The following SOX5 variants were observed in gnomAD, a reference collection of about 807,000 sequenced individuals.
SOX5 encodes SRY-box transcription factor 5.
SOX5 carries 9 observed loss-of-function variants against 92.0 expected under a neutral mutation model. The ratio of observed to expected loss-of-function variants is 0.10; its 90% CI spans 0.06 to 0.17. The LOEUF (loss-of-function observed/expected upper bound fraction) is 0.17. Among genes scored for constraint, SOX5 ranks in the 10% least tolerant of loss-of-function variants. SOX5 has a pLI of 1.00. For missense variants in SOX5, 642 were observed against 944.5 expected (o/e 0.68, Z 4.20); for synonymous variants, 344 against 336.3 (o/e 1.02, Z -0.25).
At chr12:24,550,648 A>G (rs879276829) in intron 1 of SOX5, among the ~76,000 whole-genome samples, 5 of 152,226 alleles carry the variant, frequency 3.3e-5, no homozygotes, top group Admixed American at 6.5e-5. Flanking sequence ...CTTGATTTTT[A>G]AGAGTTAACA....
intron 11 of SOX5, among the ~76,000 whole-genome samples, chr12:23,559,528 A>G (rs993267361): frequency 1.3e-5 from 2 of 152,232 alleles, no homozygotes; most frequent in African/African-American, 4.8e-5. Flanking sequence ...GTGTTTCGGT[A>G]AAAATGACTT....
At position 23,914,924 on chromosome 12, in the gene SOX5, G is replaced by C. The variant is rs569274328; in HGVS notation, c.39-18900C>G. 6.6e-5 allele frequency among the ~76,000 whole-genome samples: 10 copies of C among 152,130 alleles called. No homozygotes were observed. In the South Asian group the frequency reaches 2.1e-3, roughly 32 times the overall value. ...AGTTTACTATTGGATTGTAAACTCT[G>C]AGCCAAAACCAATATTACTCATTTT... On this transcript the variant is annotated intron_variant, in intron 1 of 14. Transcript: ENST00000451604.
intron 13 of SOX5, among the ~76,000 whole-genome samples, chr12:23,540,597 A>C (rs1324958516): frequency 6.6e-6 from 1 of 152,138 alleles, no homozygotes; most frequent in Non-Finnish European, 1.5e-5. Context: ...TCTGTAGTGA[A>C]TTTGCACATT....
chr12:24,173,163 C>T (rs908898130), intron 4 of SOX5, among the ~76,000 whole-genome samples: 22 of 152,214 alleles, frequency 1.4e-4, no homozygotes, highest in Non-Finnish European at 4.4e-5. Flanking sequence ...TCGTCCCACC[C>T]TCTCGCACAT....
At chr12:24,174,538 C>A (rs1954589934) in intron 4 of SOX5, among the ~76,000 whole-genome samples, 1 of 151,964 alleles carries the variant, frequency 6.6e-6, no homozygotes. Flanking sequence ...AAAACAAAAA[C>A]AAGGCGGAAA....
chr12:24,440,873 G>T (rs930258716), intron 1 of SOX5, among the ~76,000 whole-genome samples: 2 of 152,156 alleles, frequency 1.3e-5, no homozygotes, highest in African/African-American at 4.8e-5. Context: ...CAGCTCTGAT[G>T]CAACACAGTA....
At chr12:24,160,765 C>T (rs1212726628) in intron 4 of SOX5, among the ~76,000 whole-genome samples, 1 of 151,912 alleles carries the variant, frequency 6.6e-6, no homozygotes, top group African/African-American at 2.4e-5. Context: ...CATCAACCTG[C>T]ATGAGAAGAG....
chr12:23,884,940 C>A (rs1040400725), intron 2 of SOX5, among the ~76,000 whole-genome samples: 1 of 152,152 alleles, frequency 6.6e-6, no homozygotes, highest in Non-Finnish European at 1.5e-5. Flanking sequence ...TGAGTTGCAC[C>A]TATCAGACTG....
chr12:24,430,473 A>T (rs1293445302), intron 1 of SOX5, among the ~76,000 whole-genome samples: 1 of 151,934 alleles, frequency 6.6e-6, no homozygotes, highest in African/African-American at 2.4e-5. Flanking sequence ...TATAAAATTC[A>T]TTAAACTTAA....
chr12:24,465,333 A>G (rs1270848117), intron 1 of SOX5, among the ~76,000 whole-genome samples: 2 of 152,256 alleles, frequency 1.3e-5, no homozygotes, highest in Non-Finnish European at 2.9e-5. Flanking sequence ...AGCGTTTATT[A>G]CATTGTTCCA....
chr12:24,212,534 G>C lies in SOX5; in HGVS notation c.-2+809C>G, dbSNP rs568240522. On this transcript the variant is annotated intron_variant, in intron 4 of 4. Transcript: ENST00000446891. ...GGAAGGAAGGATTACAAGGAAGGAG[G>C]GGACCACCAAGTCTTCACTCATAAC... 9 of 522,222 alleles carry C rather than the reference G, an allele frequency of 1.7e-5. No individual in the cohort carries two copies. In the East Asian group the frequency reaches 4.4e-4, roughly 26 times the overall value. The allele number at this position is 522,222 out of a possible 1,614,324, so 32.3% of individuals were successfully genotyped here. A position where few individuals can be genotyped will look rare whatever the true frequency, so the allele number is the denominator to read the frequency against.
chr12:23,765,707 A>G (rs1016661462), intron 3 of SOX5, among the ~76,000 whole-genome samples: 5 of 152,170 alleles, frequency 3.3e-5, no homozygotes, highest in Non-Finnish European at 5.9e-5. Context: ...TAGAACTATT[A>G]GACTACTTTC....
At chr12:23,724,509 T>C (rs970662229) in intron 6 of SOX5, among the ~76,000 whole-genome samples, 6 of 152,182 alleles carry the variant, frequency 3.9e-5, no homozygotes, top group Non-Finnish European at 8.8e-5. Flanking sequence ...AGAATGACAT[T>C]TCAAAGGTAG....
intron 4 of SOX5, among the ~76,000 whole-genome samples, chr12:23,982,756 C>T (rs970209456): frequency 3.3e-5 from 5 of 151,566 alleles, no homozygotes; most frequent in Admixed American, 6.6e-5. Flanking sequence ...ATTTATTTAA[C>T]CTAATATATC....
chr12:24,518,091 C>G (rs1277700303), intron 1 of SOX5, among the ~76,000 whole-genome samples: 1 of 148,964 alleles, frequency 6.7e-6, no homozygotes, highest in Non-Finnish European at 1.5e-5. Flanking sequence ...TTTTTTGAGG[C>G]AGGGTCTCAC....
chr12:23,721,645 A>T (rs531584583), intron 6 of SOX5, among the ~76,000 whole-genome samples: 2 of 152,306 alleles, frequency 1.3e-5, no homozygotes, highest in African/African-American at 4.8e-5. Context: ...GCTCACTCAA[A>T]TGACTATCTT....
rs139062971 is a variant in SOX5, at chr12:24,085,803, T to C, written c.-2+127540A>G. ...CATTGACAAAGAAGAAAAACTAATATTAAGTTTGGGTAAAGAAATTAACTG... is the reference window on the plus strand; with the variant it reads ...CATTGACAAAGAAGAAAAACTAATACTAAGTTTGGGTAAAGAAATTAACTG... On this transcript the variant is annotated intron_variant, in intron 4 of 4. Coordinates refer to the SOX5 transcript ENST00000446891. 4.3e-3 allele frequency among the ~76,000 whole-genome samples: 648 copies of C among 152,012 alleles called. 10 individuals are homozygous for C. The highest frequency in any genetic ancestry group is 0.014 in the African/African-American group (600 of 41,468).
At chr12:24,407,820 G>A (rs2136731435) in intron 1 of SOX5, among the ~76,000 whole-genome samples, 1 of 152,276 alleles carries the variant, frequency 6.6e-6, no homozygotes, top group East Asian at 1.9e-4. Context: ...GAAATAAAAT[G>A]CTCCAAATCC....
chr12:23,967,456 A>G (rs910835668), intron 4 of SOX5, among the ~76,000 whole-genome samples: 2 of 111,476 alleles, frequency 1.8e-5, no homozygotes, highest in Non-Finnish European at 3.8e-5. Flanking sequence ...TCTTTTCATA[A>G]AATTATACAG....
Sources: allele counts gnomAD v4.1 joint callset (sites outside exome capture counted in the v4.1 genomes callset), GRCh38; gene constraint gnomAD v4.1.1; transcripts MANE v1.5; gene names NCBI Gene and HGNC (gene_info 2026-07-23, HGNC 2026-07-21).